SNTG1: variants seen among roughly 807,000 people sequenced by gnomAD.
SNTG1 encodes gamma-1-syntrophin.
Under a neutral mutation model 74.7 loss-of-function variants are expected in SNTG1, and 39 were observed. The ratio of observed to expected loss-of-function variants is 0.52; its 90% CI spans 0.40 to 0.68. SNTG1 has a LOEUF of 0.68. SNTG1 is among the 30% of genes least tolerant of loss of function. The pLI, the probability that SNTG1 is intolerant of heterozygous loss-of-function variation, is 0.00. For synonymous variants in SNTG1, 254 were observed against 217.1 expected (o/e 1.17, Z -1.49); for missense variants, 685 against 609.5 (o/e 1.12, Z -1.30).
intron 8 of SNTG1, 53 bp downstream of exon 8, chr8:50,450,782 TTA>T (rs1440036754): frequency 5.8e-6 from 9 of 1,549,464 alleles, no homozygotes; most frequent in Non-Finnish European, 8.0e-6. Flanking sequence ...AAATAAGAAT[TTA>T]GTGCATTGCT....
intron 1 of SNTG1, among the ~76,000 whole-genome samples, chr8:50,070,321 T>TA (rs1017305340): frequency 1.3e-5 from 2 of 152,154 alleles, no homozygotes; most frequent in East Asian, 1.9e-4. Context: ...TCCCATAATT[T>TA]AAAAAAATAG....
chr8:50,723,142 A>G (rs1246088806), intron 17 of SNTG1, among the ~76,000 whole-genome samples: 1 of 152,158 alleles, frequency 6.6e-6, no homozygotes, highest in Non-Finnish European at 1.5e-5. Context: ...GTTCTGGAGG[A>G]GCAAGCAGGA....
At chr8:50,442,010 G>A (rs1244816685) in intron 5 of SNTG1, among the ~76,000 whole-genome samples, 2 of 152,072 alleles carry the variant, frequency 1.3e-5, no homozygotes, top group South Asian at 2.1e-4. Flanking sequence ...AGTAAAGCCC[G>A]AAATGACGTA....
chr8:50,231,562 G>T (rs1177910840), intron 2 of SNTG1, among the ~76,000 whole-genome samples: 1 of 151,314 alleles, frequency 6.6e-6, no homozygotes, highest in East Asian at 1.9e-4. Context: ...TAAAAATGAA[G>T]TTCTGTTGTT....
chr8:50,539,109 T>C (rs1232386216), intron 11 of SNTG1, among the ~76,000 whole-genome samples: 2 of 152,188 alleles, frequency 1.3e-5, no homozygotes, highest in African/African-American at 4.8e-5. Flanking sequence ...ATTTTTAGGA[T>C]GGTTACTGTA....
chr8:50,627,619 A>G (rs1418160777), intron 13 of SNTG1, among the ~76,000 whole-genome samples: 1 of 152,230 alleles, frequency 6.6e-6, no homozygotes, highest in Non-Finnish European at 1.5e-5. Context: ...TCAACTGGCT[A>G]TAAACCAGGG....
intron 1 of SNTG1, among the ~76,000 whole-genome samples, chr8:50,169,864 C>T (rs543675429): frequency 9.8e-4 from 149 of 152,134 alleles, no homozygotes; most frequent in African/African-American, 3.5e-3. Context: ...TCACTGGAGC[C>T]GAGGAGTTAG....
In SNTG1 at chr8:49,970,360, T is replaced by C. The variant is rs527441537; in HGVS notation, c.-103+58129T>C. ...TTAGAAACACATGTACTTCCTGTTG[T>C]AGTTTTTAATTTTTTCAGTAATGCA... On this transcript the variant is annotated intron_variant, in intron 1 of 18. Coordinates refer to ENST00000642720, the MANE Select transcript of SNTG1 (RefSeq NM_018967.5). Among the ~76,000 whole-genome samples, 102 of 152,316 alleles carry C rather than the reference T, an allele frequency of 6.7e-4. 1 individual carries two copies. The highest frequency in any genetic ancestry group is 2.2e-3 in the African/African-American group (91 of 41,566).
At chr8:50,279,012 A>C (rs2088280434) in intron 2 of SNTG1, among the ~76,000 whole-genome samples, 1 of 152,164 alleles carries the variant, frequency 6.6e-6, no homozygotes, top group South Asian at 2.1e-4. Flanking sequence ...ATCATAATTT[A>C]GAAGAAGATG....
At position 50,439,251 on chromosome 8, in the gene SNTG1, T is replaced by C. The variant is rs539848579; in HGVS notation, c.219+652T>C. Among the ~76,000 whole-genome samples, 19 of 152,282 alleles carry C rather than the reference T, an allele frequency of 1.2e-4. No homozygotes were observed. In the South Asian group the frequency reaches 3.7e-3, roughly 30 times the overall value. ...TAAAGCATAGGAAATTATGTAAATA[T>C]TGAAGAGTTAATCTCATGACTGCAA... On this transcript the variant is annotated intron_variant, in intron 5 of 18. Coordinates refer to ENST00000642720, the MANE Select transcript of SNTG1 (RefSeq NM_018967.5).
intron 2 of SNTG1, among the ~76,000 whole-genome samples, chr8:50,312,667 A>G (rs1247139497): frequency 6.7e-6 from 1 of 149,786 alleles, no homozygotes; most frequent in South Asian, 2.2e-4. Flanking sequence ...AGGCCACCTC[A>G]TACCCATTAC....
At chr8:50,448,659 A>G (rs1188418418) in intron 5 of SNTG1, among the ~76,000 whole-genome samples, 1 of 152,096 alleles carries the variant, frequency 6.6e-6, no homozygotes, top group Admixed American at 6.5e-5. Context: ...TTCCGTTTTT[A>G]AGGATTTATT....
chr8:50,341,865 T>C (rs1276312125), intron 2 of SNTG1, among the ~76,000 whole-genome samples: 1 of 152,048 alleles, frequency 6.6e-6, no homozygotes, highest in Non-Finnish European at 1.5e-5. Flanking sequence ...TAAATGCAGA[T>C]AAAGTTAACT....
At chr8:50,568,854 C>T (rs1472665559) in intron 12 of SNTG1, 2 of 152,030 alleles carry the variant, frequency 1.3e-5, no homozygotes, top group East Asian at 1.9e-4. Flanking sequence ...TCTATCTATC[C>T]ACATCATTTA....
chr8:50,609,507 C>T (rs1477181221), intron 13 of SNTG1, among the ~76,000 whole-genome samples: 1 of 152,032 alleles, frequency 6.6e-6, no homozygotes, highest in East Asian at 1.9e-4. Context: ...CCTAGCTGTA[C>T]ATCTCTTTGT....
intron 15 of SNTG1, among the ~76,000 whole-genome samples, chr8:50,689,039 T>C (rs986001739): frequency 4.7e-5 from 7 of 148,882 alleles, no homozygotes; most frequent in Admixed American, 6.7e-5. Flanking sequence ...GGAATTCACT[T>C]ATGATTTGGC....
chr8:49,987,649 CTTT>C (rs35381511), intron 1 of SNTG1, among the ~76,000 whole-genome samples: 2 of 131,542 alleles, frequency 1.5e-5, no homozygotes, highest in African/African-American at 2.9e-5. Flanking sequence ...TTAAATTAAC[CTTT>C]TTTTTTTTTT....
chr8:50,290,791 G>T (rs115824994), intron 2 of SNTG1, among the ~76,000 whole-genome samples: 2 of 152,040 alleles, frequency 1.3e-5, no homozygotes, highest in African/African-American at 4.8e-5. Context: ...CAGGGTCTCT[G>T]TTTGTCCCCC....
chr8:49,990,992 G>A (rs554077347), intron 1 of SNTG1, among the ~76,000 whole-genome samples: 1 of 152,154 alleles, frequency 6.6e-6, no homozygotes, highest in African/African-American at 2.4e-5. Context: ...ACCATTAAGA[G>A]AATCAAAGGG....
Sources: allele counts gnomAD v4.1 joint callset (sites outside exome capture counted in the v4.1 genomes callset), GRCh38; gene constraint gnomAD v4.1.1; transcripts MANE v1.5; gene names NCBI Gene and HGNC (gene_info 2026-07-23, HGNC 2026-07-21).